ZBTB7C: variants seen among roughly 807,000 people sequenced by gnomAD.
ZBTB7C encodes zinc finger and BTB domain containing 7C, also known as zinc finger and BTB domain-containing protein 7C.
A neutral mutation model predicts 25.7 loss-of-function variants in ZBTB7C; 8 were observed. The observed-to-expected ratio is 0.31, with a 90% CI of 0.18 to 0.56. The LOEUF is 0.56. ZBTB7C is among the 20% of genes least tolerant of loss of function. ZBTB7C has a pLI of 0.91. For missense variants in ZBTB7C, 824 were observed against 855.2 expected (o/e 0.96, Z 0.46); for synonymous variants, 394 against 369.0 (o/e 1.07, Z -0.78).
intron 3 of ZBTB7C, among the ~76,000 whole-genome samples, chr18:48,141,596 C>T (rs1446742429): frequency 6.6e-6 from 1 of 152,106 alleles, no homozygotes; most frequent in Admixed American, 6.5e-5. Flanking sequence ...TCTCATCACA[C>T]TAGGTAGGCT....
chr18:48,121,619 T>G (rs982750939), intron 3 of ZBTB7C, among the ~76,000 whole-genome samples: 4 of 152,234 alleles, frequency 2.6e-5, no homozygotes, highest in African/African-American at 7.2e-5. Flanking sequence ...GGATTCTGGA[T>G]TTAGCAGCAT....
chr18:48,295,086 C>G (rs1310509267), intron 2 of ZBTB7C, among the ~76,000 whole-genome samples: 1 of 152,156 alleles, frequency 6.6e-6, no homozygotes, highest in Non-Finnish European at 1.5e-5. Flanking sequence ...AGCTTTCTGA[C>G]TGCACTTGCC....
intron 2 of ZBTB7C, among the ~76,000 whole-genome samples, chr18:48,234,656 T>C (rs558888915): frequency 6.6e-6 from 1 of 152,362 alleles, no homozygotes; most frequent in South Asian, 2.1e-4. Flanking sequence ...ATTGCTCATG[T>C]GTGCTTGAGA....
chr18:48,085,155 G>A (rs941364934), intron 3 of ZBTB7C, among the ~76,000 whole-genome samples: 2 of 152,098 alleles, frequency 1.3e-5, no homozygotes, highest in South Asian at 4.1e-4. Flanking sequence ...ACGGCAGGGC[G>A]GGTGGGGGTA....
chr18:48,138,377 C>T (rs1215996906), intron 3 of ZBTB7C, among the ~76,000 whole-genome samples: 1 of 152,162 alleles, frequency 6.6e-6, no homozygotes, highest in East Asian at 1.9e-4. Flanking sequence ...CTGCAGGGAG[C>T]CTGCCCCAGA....
At chr18:48,304,630 G>T (rs9945425) in intron 2 of ZBTB7C, among the ~76,000 whole-genome samples, 2 of 151,682 alleles carry the variant, frequency 1.3e-5, no homozygotes, top group African/African-American at 2.4e-5. Context: ...AGCCAAGACC[G>T]CACCACTGCA....
intron 3 of ZBTB7C, among the ~76,000 whole-genome samples, chr18:48,081,791 T>C (rs921050261): frequency 6.6e-6 from 1 of 152,146 alleles, no homozygotes; most frequent in Non-Finnish European, 1.5e-5. Flanking sequence ...CACGAGGCTA[T>C]TAAGCACTTG....
intron 2 of ZBTB7C, among the ~76,000 whole-genome samples, chr18:48,195,388 A>T (rs925532333): frequency 6.6e-6 from 1 of 152,132 alleles, no homozygotes; most frequent in African/African-American, 2.4e-5. Context: ...TATTCTCGTG[A>T]TAGTGAATAC....
At chr18:48,183,583 CAG>C (rs996919982) in intron 3 of ZBTB7C, among the ~76,000 whole-genome samples, 3 of 152,334 alleles carry the variant, frequency 2.0e-5, no homozygotes, top group Non-Finnish European at 4.4e-5. Flanking sequence ...ACTGCCAGGT[CAG>C]TGAAAATGAC....
At chr18:48,211,693 T>C (rs567534885) in intron 2 of ZBTB7C, among the ~76,000 whole-genome samples, 1 of 152,274 alleles carries the variant, frequency 6.6e-6, no homozygotes, top group South Asian at 2.1e-4. Flanking sequence ...CAACACCAAA[T>C]GCTAGTGAGG....
chr18:48,279,156 C>T (rs1310836611), intron 2 of ZBTB7C, among the ~76,000 whole-genome samples: 1 of 152,074 alleles, frequency 6.6e-6, no homozygotes, highest in East Asian at 1.9e-4. Flanking sequence ...GTCCCCCCGG[C>T]ACCCCCACTC....
intron 3 of ZBTB7C, among the ~76,000 whole-genome samples, chr18:48,143,571 T>C (rs1219218130): frequency 2.0e-5 from 3 of 152,108 alleles, no homozygotes; most frequent in African/African-American, 7.2e-5. Flanking sequence ...CCACATTCCC[T>C]TTGTCAGCTC....
intron 3 of ZBTB7C, among the ~76,000 whole-genome samples, chr18:48,111,032 G>A (rs1168315048): frequency 1.3e-5 from 2 of 152,166 alleles, no homozygotes; most frequent in East Asian, 3.9e-4. Flanking sequence ...GGACCGCCTG[G>A]ACTGTCTGGG....
chr18:48,115,398 G>A (rs1433846167), intron 3 of ZBTB7C, among the ~76,000 whole-genome samples: 1 of 143,522 alleles, frequency 7.0e-6, no homozygotes, highest in Non-Finnish European at 1.5e-5. Context: ...ACAGGCACCC[G>A]CCACCGCACC....
chr18:48,272,802 G>A (rs2044532153), intron 2 of ZBTB7C, among the ~76,000 whole-genome samples: 1 of 152,048 alleles, frequency 6.6e-6, no homozygotes, highest in Non-Finnish European at 1.5e-5. Flanking sequence ...CCAAACAGTG[G>A]AATGTCATTT....
intron 2 of ZBTB7C, among the ~76,000 whole-genome samples, chr18:48,214,760 G>A (rs536090314): frequency 2.2e-3 from 337 of 152,352 alleles, no homozygotes; most frequent in African/African-American, 7.6e-3. Context: ...GTGGTAGCAT[G>A]TGTCAAAATT....
At chr18:48,203,194 C>T (rs1357028297) in intron 2 of ZBTB7C, among the ~76,000 whole-genome samples, 1 of 152,118 alleles carries the variant, frequency 6.6e-6, no homozygotes, top group Non-Finnish European at 1.5e-5. Context: ...TCCACCCTTT[C>T]CCAGCAGAGA....
At chr18:48,245,092 G>GTGTATATATATA (rs1555723392) in intron 2 of ZBTB7C, among the ~76,000 whole-genome samples, 1 of 126,294 alleles carries the variant, frequency 7.9e-6, no homozygotes, top group African/African-American at 3.2e-5. Context: ...GTGTGTGTGT[G>GTGTATATATATA]TATATATATA....
intron 2 of ZBTB7C, among the ~76,000 whole-genome samples, chr18:48,321,991 A>G (rs190440861): frequency 1.3e-5 from 2 of 152,222 alleles, no homozygotes; most frequent in African/African-American, 2.4e-5. Context: ...GGCTGTCCCT[A>G]TTATATTTTA....
Sources: allele counts gnomAD v4.1 joint callset (sites outside exome capture counted in the v4.1 genomes callset), GRCh38; gene constraint gnomAD v4.1.1; transcripts MANE v1.5; gene names NCBI Gene and HGNC (gene_info 2026-07-23, HGNC 2026-07-21).